Variants in PARN observed in about 807,000 individuals in gnomAD.
The protein encoded by PARN is poly(A)-specific ribonuclease.
PARN carries 71 observed loss-of-function variants against 102.8 expected under a neutral mutation model. The ratio of observed to expected loss-of-function variants is 0.69; its 90% CI spans 0.57 to 0.84. The LOEUF is 0.84. Among genes scored for constraint, PARN ranks in the 40% least tolerant of loss-of-function variants. The pLI is 0.00. For synonymous variants in PARN, 261 were observed against 252.9 expected (o/e 1.03, Z -0.30); for missense variants, 782 against 760.9 (o/e 1.03, Z -0.33).
In PARN at chr16:14,543,562, T is replaced by C. The variant is rs536230286; in HGVS notation, c.1480+8459A>G. Among the ~76,000 whole-genome samples the C allele has an allele frequency of 2.6e-5, 4 of 152,338 alleles. No homozygotes were observed. In the East Asian group the frequency reaches 7.7e-4, roughly 29 times the overall value. The stretch of plus-strand genomic sequence containing the variant: ...TACAAGGAATGGTTGTAAATGAACC[T>C]ATATGATTGTAAGGTCTCTACATTC... On this transcript the variant is annotated intron_variant, in intron 21 of 23. Coordinates refer to ENST00000437198, the MANE Select transcript of PARN (RefSeq NM_002582.4).
At chr16:14,583,570 A>G (rs1056975192) in intron 16 of PARN, among the ~76,000 whole-genome samples, 5 of 152,144 alleles carry the variant, frequency 3.3e-5, no homozygotes, top group East Asian at 1.9e-4. Flanking sequence ...TTCTCCCCCA[A>G]TGGCCCCACC....
At chr16:14,555,308 A>G (rs1360037701) in intron 19 of PARN, among the ~76,000 whole-genome samples, 1 of 152,070 alleles carries the variant, frequency 6.6e-6, no homozygotes, top group Non-Finnish European at 1.5e-5. Context: ...AGTAACTGGA[A>G]AACAGAAATT....
chr16:14,608,063 A>G, intron 9 of PARN: 1 of 557,702 alleles, frequency 1.8e-6, no homozygotes, highest in Non-Finnish European at 3.1e-6. Flanking sequence ...GATGCACCAA[A>G]GTGATAATTA....
At chr16:14,527,004 CAACA>C (rs1373751255) in intron 21 of PARN, among the ~76,000 whole-genome samples, 1 of 152,204 alleles carries the variant, frequency 6.6e-6, no homozygotes, top group African/African-American at 2.4e-5. Flanking sequence ...AGGCAGAGAA[CAACA>C]AACACTCCAG....
intron 21 of PARN, among the ~76,000 whole-genome samples, chr16:14,537,040 TC>T (rs1225553774): frequency 2.6e-5 from 4 of 151,994 alleles, no homozygotes; most frequent in African/African-American, 9.6e-5. Context: ...TTGCAAACTA[TC>T]CAAAAAGGGA....
intron 5 of PARN, among the ~76,000 whole-genome samples, chr16:14,622,755 C>T (rs949330646): frequency 1.3e-5 from 2 of 152,210 alleles, no homozygotes; most frequent in East Asian, 1.9e-4. Flanking sequence ...ATCCGCCCGA[C>T]TTGGCCTCCC....
intron 10 of PARN, among the ~76,000 whole-genome samples, chr16:14,605,591 ACTTT>A (rs1971130381): frequency 6.6e-6 from 1 of 152,148 alleles, no homozygotes; most frequent in South Asian, 2.1e-4. Flanking sequence ...GATAACTAGT[ACTTT>A]CTTTCTCATA....
At position 14,436,666 on chromosome 16, in the gene PARN, G is replaced by A. The variant is rs1022473112; in HGVS notation, c.*51C>T. 6.5e-5 allele frequency: 89 copies of A among 1,370,160 alleles called. No individual in the cohort carries two copies. The African/African-American group carries it at 8.7e-4, about 13-fold the overall frequency. The allele number at this position is 1,370,160 out of a possible 1,614,324, so 84.9% of individuals were successfully genotyped here. On this transcript the variant is annotated 3_prime_UTR_variant, in exon 24 of 24. Coordinates refer to ENST00000437198, the MANE Select transcript of PARN (RefSeq NM_002582.4). The stretch of plus-strand genomic sequence containing the variant: ...AGTGCGGCTTCCAAATGTGCCAGCC[G>A]GCTCTTGCTCACAGCGACAGCACCA...
At chr16:14,437,786 CTT>C (rs1960768217) in intron 23 of PARN, among the ~76,000 whole-genome samples, 1 of 152,162 alleles carries the variant, frequency 6.6e-6, no homozygotes, top group African/African-American at 2.4e-5. Context: ...TGGGAAATAA[CTT>C]TTAAATACAG....
intron 6 of PARN, among the ~76,000 whole-genome samples, chr16:14,611,837 G>A (rs1413534366): frequency 1.3e-5 from 2 of 152,058 alleles, no homozygotes; most frequent in African/African-American, 4.8e-5. Context: ...CACCGCGCAC[G>A]GCCAGCAAAC....
chr16:14,537,332 C>T (rs1430216780), intron 21 of PARN, among the ~76,000 whole-genome samples: 4 of 152,146 alleles, frequency 2.6e-5, no homozygotes, highest in Non-Finnish European at 5.9e-5. Context: ...CTCTTACACA[C>T]TGTTGGTGGG....
chr16:14,617,833 G>A (rs1222837752), intron 5 of PARN, among the ~76,000 whole-genome samples, 183 bp from the exon 6 acceptor site: 1 of 152,108 alleles, frequency 6.6e-6, no homozygotes, highest in Non-Finnish European at 1.5e-5. Flanking sequence ...AAACATTTGG[G>A]CTCTTCTCCT....
intron 21 of PARN, among the ~76,000 whole-genome samples, chr16:14,520,411 T>A (rs1227911262): frequency 1.3e-5 from 2 of 152,200 alleles, no homozygotes; most frequent in Non-Finnish European, 2.9e-5. Context: ...GGAGCAATAC[T>A]AATATTGTAC....
chr16:14,549,919 A>AT (rs1267828236), intron 21 of PARN, among the ~76,000 whole-genome samples: 1 of 152,218 alleles, frequency 6.6e-6, no homozygotes, highest in Non-Finnish European at 1.5e-5. Flanking sequence ...AGGTTTACAT[A>AT]ACCTGCCCAA....
chr16:14,487,595 G>A (rs963668505), intron 21 of PARN, among the ~76,000 whole-genome samples: 2 of 152,216 alleles, frequency 1.3e-5, no homozygotes, highest in South Asian at 4.2e-4. Context: ...CAACTTCTGT[G>A]GAACAGGGCT....
intron 21 of PARN, among the ~76,000 whole-genome samples, chr16:14,514,127 T>G (rs1208688250): frequency 6.6e-6 from 1 of 152,172 alleles, no homozygotes; most frequent in South Asian, 2.1e-4. Context: ...GAAAACCAGA[T>G]AGCAAGGAAG....
intron 9 of PARN, among the ~76,000 whole-genome samples, chr16:14,606,733 C>T (rs1330497039): frequency 2.6e-4 from 39 of 151,326 alleles, no homozygotes; most frequent in South Asian, 4.2e-4. Context: ...AACACATAAA[C>T]GTGGATTTGA....
chr16:14,551,933 T>C, intron 21 of PARN, 88 bp downstream of exon 21: 1 of 791,286 alleles, frequency 1.3e-6, no homozygotes. Context: ...GTAAGCTGAC[T>C]GAGCCCATAG....
intron 21 of PARN, among the ~76,000 whole-genome samples, chr16:14,547,292 C>A (rs887271092): frequency 5.9e-5 from 9 of 152,104 alleles, no homozygotes; most frequent in Admixed American, 4.6e-4. Context: ...CCAAAGCCAG[C>A]AGGGAACCGC....
Sources: allele counts gnomAD v4.1 joint callset (sites outside exome capture counted in the v4.1 genomes callset), GRCh38; gene constraint gnomAD v4.1.1; transcripts MANE v1.5; gene names NCBI Gene and HGNC (gene_info 2026-07-23, HGNC 2026-07-21).